The following L3MBTL2 variants were observed in gnomAD, a reference collection of about 807,000 sequenced individuals.
L3MBTL2 encodes L3MBTL histone methyl-lysine binding protein 2.
In L3MBTL2, 49 loss-of-function variants were observed where a neutral mutation model predicts 86.4. The observed-to-expected ratio is 0.57, with a 90% CI of 0.45 to 0.72. L3MBTL2 has a LOEUF of 0.72. L3MBTL2 is among the 30% of genes least tolerant of loss of function. The pLI is 0.00. For missense variants in L3MBTL2, 755 were observed against 923.7 expected, an observed-to-expected ratio of 0.82 and a Z score of 2.37; for synonymous variants, 336 against 350.6, an observed-to-expected ratio of 0.96 and a Z score of 0.47.
chr22:41,230,498 CCA>C lies in L3MBTL2; in HGVS notation c.*249_*250del, dbSNP rs2032528787. On this transcript the variant is annotated 3_prime_UTR_variant, in exon 17 of 17. Coordinates refer to ENST00000216237, the MANE Select transcript of L3MBTL2 (RefSeq NM_031488.5). ...TGAGGCCCCAGAACTCGTCTGTGAA[CCA>C]CCTTTTCCAGCCAGAGTTCCCAAAG... The C allele has an allele frequency of 2.1e-6, 1 of 484,260 alleles. No individual in the cohort carries two copies. Among genetic ancestry groups the C allele is most frequent in the East Asian group, 3.7e-5 (1 of 26,928 alleles). 30.0% of individuals were successfully genotyped at this position (484,260 alleles called of 1,614,324 possible).
intron 7 of L3MBTL2, 65 bp from the exon 8 acceptor site, chr22:41,221,134 C>G (rs1383141061): frequency 2.1e-6 from 3 of 1,410,200 alleles, no homozygotes; most frequent in Non-Finnish European, 2.8e-6. Context: ...TGGGTCGGCG[C>G]TAGCGCCCCT....
chr22:41,217,140 G>T lies in L3MBTL2; in HGVS notation c.538G>T (p.Asp180Tyr). 1 of 1,613,872 alleles carries T rather than the reference G, an allele frequency of 6.2e-7. No individual in the cohort carries two copies. Residue 180 changes from aspartate (D) to tyrosine (Y), a missense_variant, in exon 5 of 17, where the codon GAC becomes TAC. By Grantham distance (160) the Asp-to-Tyr change is radical (BLOSUM62 -3). Transcript: ENST00000216237. ...TGQDALVLGF[D>Y]WGKFLKDHSY... The stretch of plus-strand genomic sequence containing the variant: ...CTCTGCAGCTCTGGTCTTGGGCTTC[G>T]ACTGGGGGAAGTTCCTGAAGGATCA...
intron 2 of L3MBTL2, among the ~76,000 whole-genome samples, chr22:41,211,557 C>T (rs900531888): frequency 8.2e-5 from 8 of 97,392 alleles, no homozygotes; most frequent in South Asian, 3.4e-4. Flanking sequence ...ATCTTATTTC[C>T]TTTTTTTTTT....
intron 6 of L3MBTL2, among the ~76,000 whole-genome samples, 189 bp from the exon 7 acceptor site, chr22:41,220,545 C>T (rs1180979343): frequency 6.6e-6 from 1 of 152,018 alleles, no homozygotes; most frequent in Non-Finnish European, 1.5e-5. Context: ...AAAAAATCAG[C>T]CGGGCGTGGT....
chr22:41,223,902 CGACT>C (rs2032002832), intron 8 of L3MBTL2, 114 bp from the exon 9 acceptor site: 2 of 792,748 alleles, frequency 2.5e-6, no homozygotes, highest in Non-Finnish European at 4.2e-6. Context: ...TGCCACCTCC[CGACT>C]GACTGAGTGT....
In L3MBTL2 at chr22:41,225,078, CA is replaced by C; in HGVS notation, c.1356+8del. ...CGTGGCAACTGTCTGTAAGGTGAGCCAGGGGCCGGCTCTCCAGCCTCCAGAT... is the reference window on the plus strand; with the variant it reads ...CGTGGCAACTGTCTGTAAGGTGAGCCGGGGCCGGCTCTCCAGCCTCCAGAT... On this transcript the variant is annotated splice_region_variant and intron_variant, in intron 11 of 16. Coordinates refer to ENST00000216237, the MANE Select transcript of L3MBTL2 (RefSeq NM_031488.5). This position sits in a 1 kb window ranked among gnomAD's most constrained non-coding sequence, Gnocchi z 4.1. 6.2e-7 allele frequency: 1 copy of C among 1,608,164 alleles called. No individual in the cohort carries two copies. The highest frequency in any genetic ancestry group is 8.5e-7 in the Non-Finnish European group (1 of 1,175,906).
At chr22:41,228,560 G>T in intron 15 of L3MBTL2, 3 of 982,734 alleles carry the variant, frequency 3.1e-6, no homozygotes, top group Non-Finnish European at 3.6e-6. Context: ...GGTTAAGATT[G>T]AGTGAGGCGG....
chr22:41,230,089 C>CCCCCCCCCA, intron 16 of L3MBTL2, 50 bp from the exon 17 acceptor site: 1 of 873,240 alleles, frequency 1.1e-6, no homozygotes, highest in South Asian at 1.6e-5. Context: ...GCCCCCACCC[C>CCCCCCCCCA]TCCCAGAGTT....
Position 41,225,662 on chromosome 22 carries a change from G to A in L3MBTL2, c.1357-132G>A, listed in dbSNP as rs1028499197. The A allele has an allele frequency of 3.6e-5, 31 of 865,970 alleles. 1 individual carries two copies. Among genetic ancestry groups the A allele is most frequent in the Admixed American group, 8.5e-5 (3 of 35,426 alleles). The allele number at this position is 865,970 out of a possible 1,614,324, so 53.6% of individuals were successfully genotyped here. ...CTGTGTGCCCCAGAGAGGCTCAGGT[G>A]TCCTCCAGGAGGGCCATGCCCTAGA... On this transcript the variant is annotated intron_variant, in intron 11 of 16. Transcript: ENST00000216237. This position sits in a 1 kb window ranked among gnomAD's most constrained non-coding sequence, Gnocchi z 4.1.
chr22:41,210,733 G>C (rs2030700116), intron 2 of L3MBTL2, among the ~76,000 whole-genome samples: 1 of 152,160 alleles, frequency 6.6e-6, no homozygotes, highest in African/African-American at 2.4e-5. Flanking sequence ...CAAAGTGCTG[G>C]GATTACAGGA....
chr22:41,205,755 A>T (rs925513414), intron 1 of L3MBTL2, among the ~76,000 whole-genome samples: 4 of 152,024 alleles, frequency 2.6e-5, no homozygotes, highest in African/African-American at 9.7e-5. Context: ...AGTTGGGTGA[A>T]CATCACTCCT....
intron 16 of L3MBTL2, 31 bp from the exon 17 acceptor site, chr22:41,230,108 G>A (rs772783005): frequency 4.6e-5 from 18 of 389,418 alleles, no homozygotes; most frequent in South Asian, 1.2e-4. Flanking sequence ...TTATTTACTC[G>A]CCCACCCACC....
chr22:41,229,395 T>C, intron 15 of L3MBTL2, 145 bp from the exon 16 acceptor site: 1 of 792,930 alleles, frequency 1.3e-6, no homozygotes, highest in Non-Finnish European at 2.0e-6. Context: ...TAAGATGTGT[T>C]GTCAGAGTTG....
chr22:41,209,906 T>A lies in L3MBTL2; in HGVS notation c.235T>A (p.Ser79Thr). The change falls in exon 2 of 17, where the codon TCC (serine) becomes ACC (threonine). Residue 79 changes from serine (S) to threonine (T), a missense_variant. Ser to Thr is a moderately conservative substitution (Grantham distance 58). Coordinates refer to ENST00000216237, the MANE Select transcript of L3MBTL2 (RefSeq NM_031488.5). ...TTTGCTCAGCCCTGGGACTCCTCGC[T>A]CCTTGGATGGCAGTGGTTCTGAGCC... Reference protein sequence around the residue: ...LHLLSPGTPRSLDGSGSEPAV... With the variant: ...LHLLSPGTPRTLDGSGSEPAV... 1 of 1,613,900 alleles carries A rather than the reference T, an allele frequency of 6.2e-7. No individual in the cohort carries two copies. Among genetic ancestry groups the A allele is most frequent in the African/African-American group, 1.3e-5 (1 of 75,026 alleles).
chr22:41,219,355 G>A, intron 5 of L3MBTL2, 64 bp from the exon 6 acceptor site: 1 of 1,223,340 alleles, frequency 8.2e-7, no homozygotes, highest in Non-Finnish European at 1.2e-6. Context: ...AGGCCGTGAG[G>A]CAGTCTGTCT....
In L3MBTL2 at chr22:41,217,092, C is replaced by T. The variant is rs540345231; in HGVS notation, c.521-31C>T. On this transcript the variant is annotated intron_variant, in intron 4 of 16. Transcript: ENST00000216237. ...TCCTGGAGTGGCTGCTGCGCAGGCT[C>T]CTAGTCTGACTCGTCCTCTCTGCTC... 1.9e-5 allele frequency: 30 copies of T among 1,595,668 alleles called. No individual in the cohort carries two copies. The East Asian group carries it at 6.7e-4, about 36-fold the overall frequency.
At chr22:41,213,652 G>A in intron 2 of L3MBTL2, 1 of 361,340 alleles carries the variant, frequency 2.8e-6, no homozygotes. Flanking sequence ...TCGTCCTCAT[G>A]GATTTCCATT....
chr22:41,219,317 A>G, intron 5 of L3MBTL2, 102 bp from the exon 6 acceptor site: 1 of 808,992 alleles, frequency 1.2e-6, no homozygotes. Context: ...TGATGTGAAA[A>G]GTTGAGGTGC....
intron 2 of L3MBTL2, among the ~76,000 whole-genome samples, chr22:41,213,022 C>T (rs1198082947): frequency 6.6e-6 from 1 of 152,034 alleles, no homozygotes; most frequent in Non-Finnish European, 1.5e-5. Context: ...TTGAGACCAT[C>T]CTGGCTAACA....
Sources: gnomAD v4.1 joint callset for allele counts (sites outside exome capture counted in the v4.1 genomes callset) on GRCh38, gnomAD v4.1.1 for gene constraint, Gnocchi (gnomAD v3.1) non-coding constraint, MANE v1.5 for transcripts, NCBI Gene and HGNC (gene_info 2026-07-23, HGNC 2026-07-21) for gene names.